Variants in WFDC9 observed in about 807,000 individuals in gnomAD.
WFDC9 encodes protein WFDC9.
Under a neutral mutation model 9.5 loss-of-function variants are expected in WFDC9, and 9 were observed. The ratio of observed to expected loss-of-function variants is 0.95; its 90% CI spans 0.57 to 1.65. The LOEUF (loss-of-function observed/expected upper bound fraction) is 1.65. Ranked by LOEUF, WFDC9 falls within the 40% of genes most tolerant of loss-of-function variation. The probability of loss-of-function intolerance (pLI) is 0.00; values close to 1 mark genes in which losing one functional copy is unlikely to be tolerated. For missense variants in WFDC9, 87 were observed against 106.7 expected, an observed-to-expected ratio of 0.82 and a Z score of 0.81; for synonymous variants, 33 against 32.3, an observed-to-expected ratio of 1.02 and a Z score of -0.07.
chr20:45,610,119 C>T lies in WFDC9; in HGVS notation c.63G>A (p.Val21=). ...GATCTTTGTTCCAGAAGCTTCCCAG[C>T]ACAGGCAGAAGCATCACAACTCCAG... is the stretch of plus-strand genomic sequence containing the variant. ...FISGVVMLLP[V]LGSFWNKDPF... Residue 21 remains valine, a synonymous_variant, in exon 3 of 5, where the codon GTG becomes GTA. Transcript: ENST00000326000. The T allele has an allele frequency of 6.2e-7, 1 of 1,614,046 alleles. No individual in the cohort carries two copies. The highest frequency in any genetic ancestry group is 8.5e-7 in the Non-Finnish European group (1 of 1,179,964).
At chr20:45,618,130 G>A (rs1982013158) in intron 1 of WFDC9, among the ~76,000 whole-genome samples, 1 of 152,118 alleles carries the variant, frequency 6.6e-6, no homozygotes, top group African/African-American at 2.4e-5. Context: ...GTTTTAGAGA[G>A]GGCTTCTTTC....
At chr20:45,620,896 T>C (rs1982084266) in intron 1 of WFDC9, among the ~76,000 whole-genome samples, 1 of 152,194 alleles carries the variant, frequency 6.6e-6, no homozygotes, top group Admixed American at 6.5e-5. Context: ...TTACACATTG[T>C]TGAATCATTT....
chr20:45,608,237 T>C, intron 4 of WFDC9, 97 bp from the exon 5 acceptor site: 1 of 1,366,650 alleles, frequency 7.3e-7, no homozygotes, highest in Non-Finnish European at 1.0e-6. Flanking sequence ...AGGACAGCAA[T>C]TCTTCTGCTA....
At position 45,631,147 on chromosome 20, in the gene WFDC9, T is replaced by C. The variant is rs890351563; in HGVS notation, c.-153+56A>G. Reference sequence around the variant, plus strand: ...TCAACAGGAATGCCGCCCTCTCTACTGTCTGAACCCCTTGTCCCTGTCAAA... The same window carrying C: ...TCAACAGGAATGCCGCCCTCTCTACCGTCTGAACCCCTTGTCCCTGTCAAA... On this transcript the variant is annotated intron_variant, in intron 1 of 4. Coordinates refer to ENST00000326000, the MANE Select transcript of WFDC9 (RefSeq NM_147198.4). 7.5e-6 allele frequency: 8 copies of C among 1,071,158 alleles called. No homozygotes were observed. The East Asian group carries it at 1.1e-4, about 15-fold the overall frequency. The allele number at this position is 1,071,158 out of a possible 1,614,324, so 66.4% of individuals were successfully genotyped here. A position where few individuals can be genotyped will look rare whatever the true frequency, so the allele number is the denominator to read the frequency against.
intron 1 of WFDC9, chr20:45,629,389 T>G (rs1982299938): frequency 6.5e-6 from 1 of 153,622 alleles, no homozygotes; most frequent in Non-Finnish European, 1.4e-5. Flanking sequence ...AAAAGTTGTT[T>G]ATATTAAAAG....
At chr20:45,627,121 A>T (rs1568655045) in intron 1 of WFDC9, among the ~76,000 whole-genome samples, 1 of 152,176 alleles carries the variant, frequency 6.6e-6, no homozygotes, top group East Asian at 1.9e-4. Flanking sequence ...TATCACATTT[A>T]TTGATTTGTG....
intron 2 of WFDC9, among the ~76,000 whole-genome samples, chr20:45,610,892 G>A (rs905547136): frequency 6.6e-6 from 1 of 152,174 alleles, no homozygotes; most frequent in Non-Finnish European, 1.5e-5. Flanking sequence ...ATTCCAAGTT[G>A]AGAGAAAAGG....
intron 1 of WFDC9, among the ~76,000 whole-genome samples, chr20:45,627,484 T>G (rs1247427156): frequency 6.6e-6 from 1 of 152,204 alleles, no homozygotes; most frequent in Admixed American, 6.5e-5. Context: ...TTATTACTGA[T>G]TCAATCTCCT....
intron 1 of WFDC9, among the ~76,000 whole-genome samples, chr20:45,617,767 G>A (rs1982004782): frequency 6.6e-6 from 1 of 152,126 alleles, no homozygotes; most frequent in South Asian, 2.1e-4. Context: ...GAAAGTATAG[G>A]TGTGCACCAT....
At chr20:45,625,302 C>T (rs913999723) in intron 1 of WFDC9, among the ~76,000 whole-genome samples, 5 of 152,114 alleles carry the variant, frequency 3.3e-5, no homozygotes, top group Non-Finnish European at 7.4e-5. Context: ...CCTGCCAGGT[C>T]CCTCACTCCA....
chr20:45,625,408 T>A (rs897581833), intron 1 of WFDC9, among the ~76,000 whole-genome samples: 2 of 152,190 alleles, frequency 1.3e-5, no homozygotes, highest in South Asian at 2.1e-4. Flanking sequence ...TTCTGTAGAT[T>A]GTCTTTTCAA....
chr20:45,608,543 T>G (rs1013375850), intron 4 of WFDC9, 120 bp downstream of exon 4: 28 of 1,260,798 alleles, frequency 2.2e-5, no homozygotes, highest in African/African-American at 3.0e-5. Context: ...TAGGAGGACA[T>G]TGTCTTTTGC....
chr20:45,618,496 T>A (rs910590262), intron 1 of WFDC9, among the ~76,000 whole-genome samples: 2 of 152,196 alleles, frequency 1.3e-5, no homozygotes, highest in Admixed American at 1.3e-4. Context: ...ATTTTTCTAG[T>A]TTTTTATTTA....
chr20:45,631,147 TG>T, intron 1 of WFDC9, 55 bp downstream of exon 1: 1 of 1,071,276 alleles, frequency 9.3e-7, no homozygotes, highest in Non-Finnish European at 1.3e-6. Context: ...CCCTCTCTAC[TG>T]TCTGAACCCC....
intron 2 of WFDC9, among the ~76,000 whole-genome samples, chr20:45,611,279 A>G (rs1181568222): frequency 6.6e-6 from 1 of 150,896 alleles, no homozygotes; most frequent in Non-Finnish European, 1.5e-5. Flanking sequence ...AAAGAGCCAG[A>G]GTGGGGGTGG....
chr20:45,612,192 T>G (rs978907227), intron 2 of WFDC9, among the ~76,000 whole-genome samples: 1 of 152,230 alleles, frequency 6.6e-6, no homozygotes, highest in African/African-American at 2.4e-5. Context: ...CTCTGGATAT[T>G]TGAAAACTAT....
intron 4 of WFDC9, 68 bp downstream of exon 4, chr20:45,608,595 T>G: frequency 6.5e-7 from 1 of 1,534,560 alleles, no homozygotes; most frequent in Non-Finnish European, 8.7e-7. Context: ...TGCGGTCTTT[T>G]GAATAGTCGG....
intron 4 of WFDC9, 147 bp from the exon 5 acceptor site, chr20:45,608,287 A>G (rs1180235580): frequency 3.1e-6 from 3 of 982,832 alleles, no homozygotes; most frequent in Non-Finnish European, 4.5e-6. Flanking sequence ...TCCCCCAAGA[A>G]GTTTGCCAAC....
At chr20:45,611,775 C>T (rs1057088298) in intron 2 of WFDC9, among the ~76,000 whole-genome samples, 5 of 152,094 alleles carry the variant, frequency 3.3e-5, no homozygotes, top group Admixed American at 1.3e-4. Flanking sequence ...GGATAATTGC[C>T]GCCACATTTC....
Sources: gnomAD v4.1 joint callset for allele counts (sites outside exome capture counted in the v4.1 genomes callset) on GRCh38, gnomAD v4.1.1 for gene constraint, MANE v1.5 for transcripts, NCBI Gene and HGNC (gene_info 2026-07-23, HGNC 2026-07-21) for gene names.